CSMD1: variants seen among roughly 807,000 people sequenced by gnomAD.
CSMD1 encodes CUB and Sushi multiple domains 1.
In CSMD1, 213 loss-of-function variants were observed where a neutral mutation model predicts 417.5. The observed-to-expected ratio is 0.51, with a 90% CI of 0.46 to 0.57. The LOEUF (loss-of-function observed/expected upper bound fraction) is 0.57. Ranked by LOEUF, CSMD1 falls within the 20% of genes least tolerant of loss-of-function variation. The pLI is 0.00. For synonymous variants in CSMD1, 2,862 were observed against 1,736.8 expected (o/e 1.65, Z -16.11); for missense variants, 6,923 against 4,529.7 (o/e 1.53, Z -15.17).
intron 59 of CSMD1, among the ~76,000 whole-genome samples, chr8:2,964,198 G>A (rs756673926): frequency 1.4e-4 from 22 of 152,176 alleles, no homozygotes; most frequent in African/African-American, 4.6e-4. Flanking sequence ...AAGAACAACC[G>A]CTTGCATTTT....
chr8:4,717,679 T>A (rs1275642149), intron 1 of CSMD1, among the ~76,000 whole-genome samples: 4 of 151,958 alleles, frequency 2.6e-5, no homozygotes, highest in African/African-American at 9.7e-5. Context: ...TACAGAACTG[T>A]GATTCCGAAG....
chr8:4,901,571 A>G (rs1474684420), intron 1 of CSMD1, among the ~76,000 whole-genome samples: 1 of 151,928 alleles, frequency 6.6e-6, no homozygotes, highest in Admixed American at 6.6e-5. Context: ...AGAAAATGTC[A>G]GATGTTTCTT....
intron 1 of CSMD1, among the ~76,000 whole-genome samples, chr8:4,739,140 G>A (rs149080560): frequency 0.011 from 1,727 of 152,162 alleles, 70 homozygotes; most frequent in Admixed American, 0.077. Context: ...ATACACACAC[G>A]CATACACACA....
chr8:3,813,556 G>C (rs1045342973), intron 5 of CSMD1, among the ~76,000 whole-genome samples: 1 of 152,082 alleles, frequency 6.6e-6, no homozygotes, highest in Non-Finnish European at 1.5e-5. Flanking sequence ...CACAACGTAG[G>C]AGTCTATAAC....
chr8:3,778,604 C>G (rs1354310835), intron 5 of CSMD1, among the ~76,000 whole-genome samples: 1 of 152,194 alleles, frequency 6.6e-6, no homozygotes, highest in Non-Finnish European at 1.5e-5. Flanking sequence ...AGTGCCCTCT[C>G]CTGTCTCTGT....
At chr8:3,716,216 G>C (rs1256632445) in intron 6 of CSMD1, among the ~76,000 whole-genome samples, 1 of 152,238 alleles carries the variant, frequency 6.6e-6, no homozygotes, top group East Asian at 1.9e-4. Context: ...TTGCCATACT[G>C]TGGCTGGAAA....
intron 7 of CSMD1, among the ~76,000 whole-genome samples, chr8:3,669,797 T>G (rs920056574): frequency 2.4e-4 from 36 of 152,114 alleles, no homozygotes; most frequent in African/African-American, 7.0e-4. Context: ...GGGATCCACG[T>G]GCAGCCCTAA....
At chr8:4,079,419 A>C (rs145346806) in intron 3 of CSMD1, among the ~76,000 whole-genome samples, 15 of 152,314 alleles carry the variant, frequency 9.8e-5, no homozygotes, top group African/African-American at 2.4e-4. Context: ...ACTCTGGCTA[A>C]AAACAGGATA....
At chr8:2,966,428 C>G in intron 58 of CSMD1, 142 bp downstream of exon 58, 1 of 738,010 alleles carries the variant, frequency 1.4e-6, no homozygotes, top group Non-Finnish European at 2.1e-6. Flanking sequence ...GAAATACAGC[C>G]ACAATGTCAC....
chr8:4,939,941 T>C (rs1807876013), intron 1 of CSMD1, among the ~76,000 whole-genome samples: 1 of 152,168 alleles, frequency 6.6e-6, no homozygotes, highest in African/African-American at 2.4e-5. Flanking sequence ...TCAATTAAAA[T>C]ATAAATTTAA....
At chr8:4,969,605 T>C (rs1810109861) in intron 1 of CSMD1, among the ~76,000 whole-genome samples, 2 of 151,990 alleles carry the variant, frequency 1.3e-5, no homozygotes, top group African/African-American at 4.8e-5. Flanking sequence ...CCAGGTTTTA[T>C]TCAAATACAC....
intron 7 of CSMD1, among the ~76,000 whole-genome samples, chr8:3,633,388 T>G (rs542049621): frequency 1.3e-5 from 2 of 152,296 alleles, no homozygotes; most frequent in East Asian, 3.9e-4. Context: ...ACTGACAAGT[T>G]TGCAAACTAG....
intron 33 of CSMD1, among the ~76,000 whole-genome samples, chr8:3,194,378 C>T (rs1352556939): frequency 6.7e-6 from 1 of 148,766 alleles, no homozygotes; most frequent in Non-Finnish European, 1.5e-5. Flanking sequence ...GTTTTTAGGT[C>T]TGTTTATTTT....
chr8:3,032,099 G>A (rs1294240033), intron 50 of CSMD1, among the ~76,000 whole-genome samples: 1 of 151,756 alleles, frequency 6.6e-6, no homozygotes, highest in East Asian at 1.9e-4. Flanking sequence ...TGGAAATTAG[G>A]AGTAAAAAGA....
At chr8:3,769,866 G>T (rs75979867) in intron 5 of CSMD1, among the ~76,000 whole-genome samples, 3,480 of 152,282 alleles carry the variant, frequency 0.023, 131 homozygotes, top group African/African-American at 0.078. Flanking sequence ...GAAGAAAAAC[G>T]TATGTGTCAG....
rs368973643 is a variant in CSMD1, at chr8:3,234,271, C to T, written c.4154-4040G>A. Among the ~76,000 whole-genome samples, 4 of 152,130 alleles carry T rather than the reference C, an allele frequency of 2.6e-5. No individual in the cohort carries two copies. In the East Asian group the frequency reaches 5.8e-4, roughly 22 times the overall value. On this transcript the variant is annotated intron_variant, in intron 26 of 69. Coordinates refer to ENST00000635120, the MANE Select transcript of CSMD1 (RefSeq NM_033225.6). ...AGGTTCAATGACACAATTTGAAAAT[C>T]CAAAACCAATTTTATCCAGCACTTT...
intron 6 of CSMD1, among the ~76,000 whole-genome samples, chr8:3,730,290 C>T (rs1378480650): frequency 6.6e-6 from 1 of 152,028 alleles, no homozygotes; most frequent in Admixed American, 6.6e-5. Flanking sequence ...TGCATCATCC[C>T]TGACTCAGCC....
chr8:4,580,229 G>C (rs1799347411), intron 2 of CSMD1, among the ~76,000 whole-genome samples: 1 of 152,150 alleles, frequency 6.6e-6, no homozygotes, highest in Non-Finnish European at 1.5e-5. Context: ...TCCCCTTGTG[G>C]GTACTGCCTT....
At chr8:4,865,358 C>G (rs562155286) in intron 1 of CSMD1, among the ~76,000 whole-genome samples, 14 of 151,652 alleles carry the variant, frequency 9.2e-5, no homozygotes, top group Admixed American at 7.9e-4. Flanking sequence ...AAATCAGCAA[C>G]TGACTTGTCA....
Sources: gnomAD v4.1 joint callset for allele counts (sites outside exome capture counted in the v4.1 genomes callset) on GRCh38, gnomAD v4.1.1 for gene constraint, MANE v1.5 for transcripts, NCBI Gene and HGNC (gene_info 2026-07-23, HGNC 2026-07-21) for gene names.